RABL3: variants seen among roughly 807,000 people sequenced by gnomAD.
The protein encoded by RABL3 is rab-like protein 3.
In RABL3, 31 loss-of-function variants were observed where a neutral mutation model predicts 31.8. The ratio of observed to expected loss-of-function variants is 0.97; its 90% CI spans 0.73 to 1.31. The LOEUF is 1.31. Ranked by LOEUF, RABL3 falls within the 40% of genes most tolerant of loss-of-function variation. RABL3 has a pLI of 0.00. For missense variants in RABL3, 263 were observed against 279.6 expected (o/e 0.94, Z 0.42); for synonymous variants, 97 against 99.9 (o/e 0.97, Z 0.18).
chr3:120,716,105 T>C (rs1708665273), intron 2 of RABL3, among the ~76,000 whole-genome samples: 1 of 152,216 alleles, frequency 6.6e-6, no homozygotes, highest in South Asian at 2.1e-4. Context: ...ATTCAATAAA[T>C]ATCAATTGTA....
At chr3:120,720,033 C>T (rs928432142) in intron 2 of RABL3, among the ~76,000 whole-genome samples, 2 of 152,354 alleles carry the variant, frequency 1.3e-5, no homozygotes, top group African/African-American at 4.8e-5. Context: ...TCACCAATAT[C>T]CGCCATTCTA....
intron 1 of RABL3, among the ~76,000 whole-genome samples, chr3:120,731,410 A>G (rs1440290065): frequency 1.3e-5 from 2 of 152,142 alleles, no homozygotes; most frequent in Non-Finnish European, 1.5e-5. Flanking sequence ...GCCAAGACTT[A>G]CCTTTTGGAA....
chr3:120,732,092 TGAA>T (rs945912938), intron 1 of RABL3, among the ~76,000 whole-genome samples: 1 of 152,122 alleles, frequency 6.6e-6, no homozygotes, highest in African/African-American at 2.4e-5. Context: ...ACTGTCAACA[TGAA>T]GGTTTATTTA....
intron 5 of RABL3, among the ~76,000 whole-genome samples, chr3:120,697,525 A>T (rs931676501): frequency 6.6e-5 from 10 of 152,248 alleles, no homozygotes; most frequent in Admixed American, 2.0e-4. Flanking sequence ...TTTGTGAACA[A>T]CATGACCATG....
At chr3:120,726,765 A>C (rs1027970575) in intron 2 of RABL3, among the ~76,000 whole-genome samples, 2 of 151,748 alleles carry the variant, frequency 1.3e-5, no homozygotes, top group Admixed American at 1.3e-4. Flanking sequence ...TTAAATAAAT[A>C]AATAAATAAA....
At chr3:120,729,536 G>A (rs1708858759) in intron 2 of RABL3, among the ~76,000 whole-genome samples, 1 of 151,990 alleles carries the variant, frequency 6.6e-6, no homozygotes, top group South Asian at 2.1e-4. Flanking sequence ...CATAAAATAA[G>A]TATGTTGGAA....
At chr3:120,692,630 C>T (rs994233254) in intron 6 of RABL3, among the ~76,000 whole-genome samples, 10 of 152,134 alleles carry the variant, frequency 6.6e-5, no homozygotes, top group Admixed American at 3.9e-4. Context: ...AACCCACATA[C>T]ATTTTGTTGT....
At chr3:120,734,419 C>T (rs1343655762) in intron 1 of RABL3, among the ~76,000 whole-genome samples, 1 of 152,222 alleles carries the variant, frequency 6.6e-6, no homozygotes, top group Non-Finnish European at 1.5e-5. Flanking sequence ...GCTGAAGTAG[C>T]TTATCAGCTT....
intron 1 of RABL3, among the ~76,000 whole-genome samples, chr3:120,739,414 A>G (rs1407847381): frequency 6.6e-6 from 1 of 151,974 alleles, no homozygotes; most frequent in African/African-American, 2.4e-5. Context: ...AGCTTGCTTT[A>G]GTCTGCATTT....
At chr3:120,716,717 C>A (rs530754279) in intron 2 of RABL3, among the ~76,000 whole-genome samples, 1 of 152,054 alleles carries the variant, frequency 6.6e-6, no homozygotes, top group Non-Finnish European at 1.5e-5. Context: ...GAGATCCCTT[C>A]GCACAGGTTT....
At chr3:120,731,180 A>C (rs1246993261) in intron 1 of RABL3, among the ~76,000 whole-genome samples, 3 of 152,188 alleles carry the variant, frequency 2.0e-5, no homozygotes, top group Non-Finnish European at 4.4e-5. Context: ...TGATTTAATC[A>C]ATTTAGCCTA....
chr3:120,741,774 G>T (rs918669418), intron 1 of RABL3, among the ~76,000 whole-genome samples: 3 of 152,126 alleles, frequency 2.0e-5, no homozygotes, highest in African/African-American at 7.2e-5. Context: ...TTTCTCTATT[G>T]TACAGTCTAG....
chr3:120,692,885 T>C (rs1708396544), intron 6 of RABL3, among the ~76,000 whole-genome samples: 1 of 152,188 alleles, frequency 6.6e-6, no homozygotes, highest in Admixed American at 6.5e-5. Context: ...GGCAGATCTA[T>C]AAGATGTTGC....
intron 1 of RABL3, among the ~76,000 whole-genome samples, chr3:120,733,475 G>GTA (rs1708913893): frequency 6.6e-6 from 1 of 152,062 alleles, no homozygotes; most frequent in Non-Finnish European, 1.5e-5. Flanking sequence ...TGTCAGATGA[G>GTA]TAGATTGCAA....
chr3:120,690,923 A>G (rs1305037609), intron 6 of RABL3, among the ~76,000 whole-genome samples: 1 of 152,192 alleles, frequency 6.6e-6, no homozygotes, highest in Non-Finnish European at 1.5e-5. Context: ...ATAGCAAACC[A>G]CCACATCCCT....
intron 2 of RABL3, among the ~76,000 whole-genome samples, chr3:120,719,180 T>G (rs1349513906): frequency 1.3e-5 from 2 of 152,190 alleles, no homozygotes; most frequent in African/African-American, 4.8e-5. Context: ...CATATGAAAT[T>G]TTTATCAAAA....
intron 2 of RABL3, among the ~76,000 whole-genome samples, chr3:120,720,678 GACT>G (rs1708728313): frequency 6.6e-6 from 1 of 152,184 alleles, no homozygotes; most frequent in Non-Finnish European, 1.5e-5. Context: ...AGAAATATGG[GACT>G]ACGTGAAAAG....
intron 2 of RABL3, among the ~76,000 whole-genome samples, chr3:120,718,558 C>G (rs7610707): frequency 0.041 from 6,277 of 152,294 alleles, 351 homozygotes; most frequent in African/African-American, 0.13. Flanking sequence ...CATTATTCAC[C>G]TATAAGAGAA....
intron 2 of RABL3, among the ~76,000 whole-genome samples, chr3:120,711,685 T>C (rs761948866): frequency 6.6e-6 from 1 of 152,188 alleles, no homozygotes; most frequent in African/African-American, 2.4e-5. Context: ...TTATGATATA[T>C]GGCAAGCAGA....
Sources: allele counts gnomAD v4.1 joint callset (sites outside exome capture counted in the v4.1 genomes callset), GRCh38; gene constraint gnomAD v4.1.1; transcripts MANE v1.5; gene names NCBI Gene and HGNC (gene_info 2026-07-23, HGNC 2026-07-21).